The following SH3D21 variants were observed in gnomAD, a reference collection of about 807,000 sequenced individuals.
The protein encoded by SH3D21 is SH3 domain-containing protein 21.
In SH3D21, 83 loss-of-function variants were observed where a neutral mutation model predicts 82.1. That is an observed-to-expected ratio of 1.01 (90% confidence interval 0.85 to 1.21). The LOEUF is 1.21. SH3D21 is among the 50% of genes most tolerant of loss of function. The probability of loss-of-function intolerance (pLI) is 0.00; values close to 1 mark genes in which losing one functional copy is unlikely to be tolerated. For missense variants in SH3D21, 980 were observed against 962.1 expected (o/e 1.02, Z -0.25); for synonymous variants, 383 against 387.8 (o/e 0.99, Z 0.15).
At position 36,308,755 on chromosome 1, in the gene SH3D21, C is replaced by T. The variant is rs543786799; in HGVS notation, c.726+280C>T. ...TCCCAGCACTTTTGGGAGGCCGAGG[C>T]GGGTGGATCACAAAGTCAGGAGTTC... On this transcript the variant is annotated intron_variant, in intron 9 of 15. Transcript: ENST00000453908. Among the ~76,000 whole-genome samples the T allele has an allele frequency of 7.8e-4, 119 of 152,202 alleles. 1 individual carries two copies. Among genetic ancestry groups the T allele is most frequent in the Admixed American group, 7.5e-3 (114 of 15,290 alleles).
chr1:36,322,151 A>G (rs1025663002), downstream of SH3D21: 5 of 1,350,230 alleles, frequency 3.7e-6, no homozygotes, highest in African/African-American at 1.5e-5. Flanking sequence ...AGGACTGGGG[A>G]AGGGAGCCTC....
At chr1:36,315,914 A>G (rs1484886457) in intron 10 of SH3D21, among the ~76,000 whole-genome samples, 1 of 152,206 alleles carries the variant, frequency 6.6e-6, no homozygotes, top group Non-Finnish European at 1.5e-5. Context: ...CTTTTTCAAG[A>G]ATGCTATTTT....
rs1557488580 is a variant in SH3D21 at position 36,321,278 on chromosome 1, C to T, written c.*151C>T. Reference sequence around the variant, plus strand: ...GGGCGGGGCCTGCGCGGGGGCAGGGCCTGGGCCTCCGCATTCCTGACGGTC... The same window carrying T: ...GGGCGGGGCCTGCGCGGGGGCAGGGTCTGGGCCTCCGCATTCCTGACGGTC... On this transcript the variant is annotated 3_prime_UTR_variant, in exon 16 of 16. Coordinates refer to ENST00000453908, the MANE Select transcript of SH3D21 (RefSeq NM_001162530.2). This position sits in a 1 kb window ranked among gnomAD's most constrained non-coding sequence, Gnocchi z 6.1. The T allele has an allele frequency of 6.9e-7, 1 of 1,449,070 alleles. No individual in the cohort carries two copies. The allele number at this position is 1,449,070 out of a possible 1,614,324, so 89.8% of individuals were successfully genotyped here.
In SH3D21 at chr1:36,307,148, C is replaced by T. The variant is rs555612667; in HGVS notation, c.227-19C>T. On this transcript the variant is annotated intron_variant, in intron 3 of 15. Coordinates refer to ENST00000453908, the MANE Select transcript of SH3D21 (RefSeq NM_001162530.2). The surrounding 1 kb of genome is among the most constrained non-coding windows in gnomAD (Gnocchi z 5.4). ...CTGGGGCGTCCGACTGGAGCTCAGC[C>T]GCGCTTGTCCGGTGCTAGGTCATCC... is the stretch of plus-strand genomic sequence containing the variant. The T allele has an allele frequency of 1.1e-4, 163 of 1,551,172 alleles. 3 individuals are homozygous for T. The highest frequency in any genetic ancestry group is 8.9e-4 in the South Asian group (75 of 83,824).
chr1:36,307,410 G>A lies in SH3D21; in HGVS notation c.346-107G>A. ...ACGGTGCAGATACGGGGAAGCGCGG[G>A]AGGGAAGGAGGGAGGAAGGGGCGCT... On this transcript the variant is annotated intron_variant, in intron 4 of 15. Coordinates refer to ENST00000453908, the MANE Select transcript of SH3D21 (RefSeq NM_001162530.2). The surrounding 1 kb of genome is among the most constrained non-coding windows in gnomAD (Gnocchi z 5.4). 6.7e-7 allele frequency: 1 copy of A among 1,501,486 alleles called. No individual in the cohort carries two copies. Among genetic ancestry groups the A allele is most frequent in the Non-Finnish European group, 9.0e-7 (1 of 1,108,394 alleles). The allele number at this position is 1,501,486 out of a possible 1,614,324, so 93.0% of individuals were successfully genotyped here. A position where few individuals can be genotyped will look rare whatever the true frequency, so the allele number is the denominator to read the frequency against.
rs770597185 is a variant in SH3D21, at chr1:36,320,588, C to T, written c.1925C>T (p.Pro642Leu). 5.6e-6 allele frequency: 9 copies of T among 1,614,040 alleles called. No homozygotes were observed. The highest frequency in any genetic ancestry group is 7.6e-6 in the Non-Finnish European group (9 of 1,180,024). The change falls in exon 14 of 16, where the codon CCA (proline) becomes CTA (leucine). Residue 642 changes from proline to leucine, a missense_variant. Transcript: ENST00000453908. ...TTGCCCCCTAAAGAGGAAGTGGCTC[C>T]AAAAGAGGAGGTGCCCCCCATAGAA... Reference protein sequence around the residue: ...EELPPKEEVAPKEEVPPIERA... With the variant: ...EELPPKEEVALKEEVPPIERA...
chr1:36,325,187 T>C (rs1646529428), downstream of SH3D21, among the ~76,000 whole-genome samples: 1 of 151,898 alleles, frequency 6.6e-6, no homozygotes, highest in African/African-American at 2.4e-5. Flanking sequence ...ACCACAGGCG[T>C]GCACCACCAT....
chr1:36,318,265 G>A (rs901135383), intron 10 of SH3D21, among the ~76,000 whole-genome samples: 1 of 152,140 alleles, frequency 6.6e-6, no homozygotes. Context: ...GCATGGGTTT[G>A]GGAAGCAAGA....
At chr1:36,322,447 C>T (rs1375219272), downstream of SH3D21, 13 of 1,604,408 alleles carry the variant, frequency 8.1e-6, no homozygotes, top group Non-Finnish European at 1.1e-5. Context: ...AGCTCCTCCG[C>T]CGACGTGAAG....
chr1:36,308,122 G>A lies in SH3D21; in HGVS notation c.552G>A (p.Glu184=). 9 of 1,549,200 alleles carry A rather than the reference G, an allele frequency of 5.8e-6. No homozygotes were observed. The highest frequency in any genetic ancestry group is 7.9e-6 in the Non-Finnish European group (9 of 1,145,586). ...ACCTCTTCCCAGTCTCCCACCCTGAGGTCTACAGGGTCCTGTTTGACTACC... is the reference window on the plus strand; with the variant it reads ...ACCTCTTCCCAGTCTCCCACCCTGAAGTCTACAGGGTCCTGTTTGACTACC... ...PDYLQTVSHP[E]VYRVLFDYQP... Residue 184 remains glutamate (E), a synonymous_variant, in exon 8 of 16, where the codon GAG becomes GAA. Transcript: ENST00000453908.
chr1:36,320,352 G>C lies in SH3D21; in HGVS notation c.1689G>C (p.Gln563His). The change falls in exon 14 of 16, where the codon CAG becomes CAC. Residue 563 changes from glutamine to histidine, a missense_variant. Transcript: ENST00000453908. ...TLVRGDSSPR[Q>H]AELKSGPASR... ...TTAGAGGGGACAGCTCCCCACGCCA[G>C]GCTGAGTTGAAGTCTGGGCCAGCAT... The C allele has an allele frequency of 6.2e-7, 1 of 1,613,470 alleles. No individual in the cohort carries two copies. Among genetic ancestry groups the C allele is most frequent in the Admixed American group, 1.7e-5 (1 of 60,020 alleles).
In SH3D21 at chr1:36,319,871, C is replaced by T. The variant is rs1193647642; in HGVS notation, c.1208C>T (p.Thr403Ile). 3 of 1,613,826 alleles carry T rather than the reference C, an allele frequency of 1.9e-6. No individual in the cohort carries two copies. The highest frequency in any genetic ancestry group is 2.5e-6 in the Non-Finnish European group (3 of 1,179,930). Reference protein sequence around the residue: ...GDKASIPGNSTSGKIPAPDKV... With the variant: ...GDKASIPGNSISGKIPAPDKV... Reference sequence around the variant, plus strand: ...AAGGCCTCTATCCCAGGGAACTCCACCTCGGGGAAGATCCCAGCTCCTGAC... The same window carrying T: ...AAGGCCTCTATCCCAGGGAACTCCATCTCGGGGAAGATCCCAGCTCCTGAC... Residue 403 changes from threonine to isoleucine, a missense_variant, in exon 14 of 16, where the codon ACC (threonine) becomes ATC (isoleucine). Physicochemically the swap from Thr to Ile is moderately conservative, Grantham distance 89. Coordinates refer to ENST00000453908, the MANE Select transcript of SH3D21 (RefSeq NM_001162530.2).
intron 10 of SH3D21, among the ~76,000 whole-genome samples, chr1:36,315,531 TAG>T (rs766490570): frequency 2.0e-5 from 3 of 151,996 alleles, no homozygotes; most frequent in Non-Finnish European, 2.9e-5. Flanking sequence ...TTTATTTTTG[TAG>T]AGAGGGGGTT....
In SH3D21 at chr1:36,320,744, G is replaced by A. The variant is rs1266423638; in HGVS notation, c.2081G>A (p.Arg694Lys). The A allele has an allele frequency of 1.9e-6, 3 of 1,604,710 alleles. No homozygotes were observed. The African/African-American group carries it at 4.0e-5, about 21-fold the overall frequency. The change falls in exon 14 of 16, where the codon AGG becomes AAG. Residue 694 changes from arginine to lysine, a missense_variant. Arg to Lys is a conservative substitution (Grantham distance 26). Transcript: ENST00000453908. ...GAAGGAGTTGATGTAACGTCGCTGAGGGGCGAGGTGGAGTCTCTAAGGAGG... is the reference window on the plus strand; with the variant it reads ...GAAGGAGTTGATGTAACGTCGCTGAAGGGCGAGGTGGAGTCTCTAAGGAGG... The part of the protein sequence containing the change: ...KNEGVDVTSL[R>K]GEVESLRRAL...
In SH3D21 at chr1:36,307,971, C is replaced by T. The variant is rs1354165204; in HGVS notation, c.538+8C>T. ...CAGACTACCTGCAGACAGGTGAGCA[C>T]CCATCCAAAGGGTCCCCCACTCCCT... is the stretch of plus-strand genomic sequence containing the variant. On this transcript the variant is annotated splice_region_variant and intron_variant, in intron 7 of 15. Transcript: ENST00000453908. The surrounding 1 kb of genome is among the most constrained non-coding windows in gnomAD (Gnocchi z 5.4). 10 of 1,551,532 alleles carry T rather than the reference C, an allele frequency of 6.4e-6. No individual in the cohort carries two copies. The highest frequency in any genetic ancestry group is 7.8e-6 in the Non-Finnish European group (9 of 1,147,022).
At chr1:36,322,539 G>A, downstream of SH3D21, 1 of 1,600,008 alleles carries the variant, frequency 6.2e-7, no homozygotes, top group East Asian at 2.2e-5. Flanking sequence ...CCGAGTCACC[G>A]TGTCCTCCTC....
Position 36,306,380 on chromosome 1 carries a change from T to G in SH3D21, c.-41T>G. The G allele has an allele frequency of 3.8e-6, 5 of 1,305,254 alleles. No homozygotes were observed. Among genetic ancestry groups the G allele is most frequent in the Non-Finnish European group, 5.1e-6 (5 of 988,914 alleles). The allele number at this position is 1,305,254 out of a possible 1,614,324, so 80.9% of individuals were successfully genotyped here. ...CCTGCGCGGGCCCAGTACTCGGCCG[T>G]CAGAGGGAGCTGCCAGGCTCTGGAG... On this transcript the variant is annotated 5_prime_UTR_variant, in exon 1 of 16. Transcript: ENST00000453908. This position sits in a 1 kb window ranked among gnomAD's most constrained non-coding sequence, Gnocchi z 4.5.
At chr1:36,316,763 CT>C (rs34474512) in intron 10 of SH3D21, among the ~76,000 whole-genome samples, 55,573 of 135,452 alleles carry the variant, frequency 0.41, 11,266 homozygotes, top group African/African-American at 0.53. Flanking sequence ...AGTTCTCTCT[CT>C]TTTTTTTTTT....
In SH3D21 at chr1:36,321,177, G is replaced by A. The variant is rs1203591114; in HGVS notation, c.*50G>A. 1 of 1,587,644 alleles carries A rather than the reference G, an allele frequency of 6.3e-7. No individual in the cohort carries two copies. The highest frequency in any genetic ancestry group is 1.3e-5 in the African/African-American group (1 of 74,496). On this transcript the variant is annotated 3_prime_UTR_variant, in exon 16 of 16. Transcript: ENST00000453908. This position sits in a 1 kb window ranked among gnomAD's most constrained non-coding sequence, Gnocchi z 6.1. ...GCCTGACCTGGCTGGGGCCACCCAC[G>A]TCCTTGCACACGACTTTGGGAAACG...
Sources: gnomAD v4.1 joint callset for allele counts (sites outside exome capture counted in the v4.1 genomes callset) on GRCh38, gnomAD v4.1.1 for gene constraint, Gnocchi (gnomAD v3.1) non-coding constraint, MANE v1.5 for transcripts, NCBI Gene and HGNC (gene_info 2026-07-23, HGNC 2026-07-21) for gene names.